Variants in DOCK3 observed in about 807,000 individuals in gnomAD.
DOCK3 encodes dedicator of cytokinesis 3, also known as dedicator of cytokinesis protein 3.
A neutral mutation model predicts 265.6 loss-of-function variants in DOCK3; 60 were observed. That is an observed-to-expected ratio of 0.23 (90% CI 0.18 to 0.28). The LOEUF (loss-of-function observed/expected upper bound fraction) is 0.28, where lower values mean the gene tolerates loss of function less well. Ranked by LOEUF, DOCK3 falls within the 10% of genes least tolerant of loss-of-function variation. The probability of loss-of-function intolerance (pLI) is 1.00; values close to 1 mark genes in which losing one functional copy is unlikely to be tolerated. For missense variants in DOCK3, 1,981 were observed against 2,594.3 expected (o/e 0.76, Z 5.14); for synonymous variants, 881 against 938.0 (o/e 0.94, Z 1.11).
At chr3:50,841,744 T>TTTTTCTTTTTTTTTTTTTTTTTTTGAG in intron 3 of DOCK3, 29 bp downstream of exon 3, 1 of 520,344 alleles carries the variant, frequency 1.9e-6, no homozygotes, top group Non-Finnish European at 3.1e-6. Context: ...TTACCTTTTC[T>TTTTTCTTTTTTTTTTTTTTTTTTTGAG]AATGTAGGAA....
chr3:50,979,678 AT>A (rs1445968448), intron 5 of DOCK3, among the ~76,000 whole-genome samples: 1 of 152,216 alleles, frequency 6.6e-6, no homozygotes, highest in Non-Finnish European at 1.5e-5. Flanking sequence ...TTTAAAAAAA[AT>A]AAATTACCCA....
chr3:50,869,342 ATTTTTTTTTTTTTTTTTT>A lies in DOCK3; in HGVS notation c.163-20653_163-20636del, dbSNP rs755531254. 7.3e-4 allele frequency among the ~76,000 whole-genome samples: 51 copies of A among 70,104 alleles called. 8 individuals are homozygous for A. In the East Asian group the frequency reaches 7.5e-3, roughly 10 times the overall value. 46.0% of individuals were successfully genotyped at this position (70,104 alleles called of 152,430 possible). On this transcript the variant is annotated intron_variant, in intron 3 of 52. Transcript: ENST00000266037. Reference sequence around the variant, plus strand: ...TCAATTTTATTTATTTCTGCTGGGAATTTTTTTTTTTTTTTTTTTTTTTTTTTTTTTTTTTTTTTTTTT... The same window carrying A: ...TCAATTTTATTTATTTCTGCTGGGAATTTTTTTTTTTTTTTTTTTTTTTTT...
At chr3:50,738,683 A>C (rs1316924225) in intron 1 of DOCK3, among the ~76,000 whole-genome samples, 2 of 152,166 alleles carry the variant, frequency 1.3e-5, no homozygotes, top group Non-Finnish European at 2.9e-5. Context: ...ACCCTTTAAC[A>C]CCCAGCATTT....
intron 5 of DOCK3, among the ~76,000 whole-genome samples, chr3:51,016,727 AT>A (rs372774403): frequency 0.71 from 7,667 of 10,836 alleles, 3,679 homozygotes; most frequent in East Asian, 0.85. Flanking sequence ...TATAATATAT[AT>A]GATACATATT....
chr3:50,698,060 G>C (rs939361655), intron 1 of DOCK3, among the ~76,000 whole-genome samples: 17 of 152,098 alleles, frequency 1.1e-4, no homozygotes, highest in Non-Finnish European at 2.5e-4. Context: ...AGTCTTTAAA[G>C]TGTACTATCC....
intron 5 of DOCK3, among the ~76,000 whole-genome samples, chr3:51,013,643 A>T (rs1044288694): frequency 1.3e-5 from 2 of 152,180 alleles, no homozygotes; most frequent in Non-Finnish European, 2.9e-5. Flanking sequence ...CAACTTGAGT[A>T]GGCAGTCGGT....
At chr3:50,707,777 C>T (rs989328632) in intron 1 of DOCK3, among the ~76,000 whole-genome samples, 10 of 151,906 alleles carry the variant, frequency 6.6e-5, no homozygotes, top group Non-Finnish European at 1.2e-4. Flanking sequence ...GGGTGGTGTG[C>T]ATGATGTTGG....
intron 19 of DOCK3, among the ~76,000 whole-genome samples, chr3:51,230,585 C>T (rs1226039696): frequency 7.9e-5 from 12 of 151,928 alleles, no homozygotes; most frequent in Admixed American, 6.6e-5. Flanking sequence ...GGCGCAATCT[C>T]GGCTCACTGC....
At chr3:51,202,628 A>T (rs1040605871) in intron 12 of DOCK3, among the ~76,000 whole-genome samples, 1 of 152,164 alleles carries the variant, frequency 6.6e-6, no homozygotes, top group Non-Finnish European at 1.5e-5. Flanking sequence ...AAACTATTCC[A>T]AACAATAGAA....
chr3:51,381,045 C>G lies in DOCK3; in HGVS notation c.5584-5C>G. On this transcript the variant is annotated splice_region_variant and splice_polypyrimidine_tract_variant and intron_variant, in intron 52 of 52. Coordinates refer to ENST00000266037, the MANE Select transcript of DOCK3 (RefSeq NM_004947.5). The surrounding 1 kb of genome is among the most constrained non-coding windows in gnomAD (Gnocchi z 5.6). ...ATTCTAACATGCCCACCCTTTCCTT[C>G]GCAGTCTCCTCTCCACCCTATCCCA... is the stretch of plus-strand genomic sequence containing the variant. 1 of 1,578,932 alleles carries G rather than the reference C, an allele frequency of 6.3e-7. No individual in the cohort carries two copies. The highest frequency in any genetic ancestry group is 8.6e-7 in the Non-Finnish European group (1 of 1,159,416).
intron 2 of DOCK3, among the ~76,000 whole-genome samples, chr3:50,824,988 C>A (rs976940925): frequency 6.6e-6 from 1 of 152,122 alleles, no homozygotes; most frequent in African/African-American, 2.4e-5. Context: ...CACATGTTAA[C>A]AGCATGTACA....
intron 1 of DOCK3, among the ~76,000 whole-genome samples, chr3:50,773,076 A>G (rs939375150): frequency 1.3e-5 from 2 of 152,164 alleles, no homozygotes; most frequent in African/African-American, 4.8e-5. Flanking sequence ...GTGTGGTACT[A>G]GCATAAAAAC....
intron 5 of DOCK3, among the ~76,000 whole-genome samples, chr3:50,960,910 C>T (rs974459115): frequency 1.3e-5 from 2 of 151,960 alleles, no homozygotes; most frequent in Non-Finnish European, 2.9e-5. Flanking sequence ...GCAATTGTTC[C>T]ACCATCATTT....
intron 2 of DOCK3, among the ~76,000 whole-genome samples, chr3:50,818,052 G>T (rs1409493558): frequency 1.3e-5 from 2 of 152,202 alleles, no homozygotes; most frequent in African/African-American, 4.8e-5. Flanking sequence ...TCTGTTTTCA[G>T]ATTGGTGCCC....
intron 2 of DOCK3, among the ~76,000 whole-genome samples, chr3:50,827,167 A>G (rs896848729): frequency 1.3e-5 from 2 of 152,240 alleles, no homozygotes; most frequent in African/African-American, 2.4e-5. Context: ...GATTTTAACC[A>G]TGGAGACTAG....
At chr3:51,073,505 C>T (rs1025917207) in intron 6 of DOCK3, among the ~76,000 whole-genome samples, 1 of 152,078 alleles carries the variant, frequency 6.6e-6, no homozygotes, top group African/African-American at 2.4e-5. Flanking sequence ...TATAAGAAGT[C>T]GGGATCCCAA....
intron 4 of DOCK3, among the ~76,000 whole-genome samples, chr3:50,905,974 G>C (rs1248953468): frequency 6.6e-6 from 1 of 151,898 alleles, no homozygotes; most frequent in African/African-American, 2.4e-5. Flanking sequence ...TAGCATGAAG[G>C]GCTGTTGAAT....
intron 5 of DOCK3, among the ~76,000 whole-genome samples, chr3:50,956,030 A>T (rs1312528629): frequency 4.0e-5 from 6 of 151,262 alleles, no homozygotes; most frequent in Non-Finnish European, 5.9e-5. Flanking sequence ...ATTTTTACTG[A>T]GGTCAACTGC....
intron 3 of DOCK3, among the ~76,000 whole-genome samples, chr3:50,855,096 A>G (rs2046525118): frequency 1.3e-5 from 2 of 152,014 alleles, no homozygotes; most frequent in Non-Finnish European, 2.9e-5. Context: ...GCTTTGGATT[A>G]CTTTGGCTAT....
Sources: gnomAD v4.1 joint callset for allele counts (sites outside exome capture counted in the v4.1 genomes callset) on GRCh38, gnomAD v4.1.1 for gene constraint, Gnocchi (gnomAD v3.1) non-coding constraint, MANE v1.5 for transcripts, NCBI Gene and HGNC (gene_info 2026-07-23, HGNC 2026-07-21) for gene names.